The following MAF variants were observed in gnomAD, a reference collection of about 807,000 sequenced individuals.
MAF encodes MAF bZIP transcription factor.
Under a neutral mutation model 22.0 loss-of-function variants are expected in MAF, and 10 were observed. The observed-to-expected ratio is 0.45, with a 90% confidence interval of 0.28 to 0.77. The LOEUF (loss-of-function observed/expected upper bound fraction) is 0.77, where lower values mean the gene tolerates loss of function less well. MAF is among the 30% of genes least tolerant of loss of function. MAF has a pLI of 0.12. For synonymous variants in MAF, 337 were observed against 255.8 expected, an observed-to-expected ratio of 1.32 and a Z score of -3.03; for missense variants, 544 against 548.4, an observed-to-expected ratio of 0.99 and a Z score of 0.08.
chr16:79,381,604 G>T, the MAF span, among the ~76,000 whole-genome samples: 1 of 152,190 alleles, frequency 6.6e-6, no homozygotes, highest in Non-Finnish European at 1.5e-5. Context: ...CCCTGGGAGA[G>T]TCGGGCAGGT....
chr16:79,503,092 G>A, the MAF span, among the ~76,000 whole-genome samples: 2 of 152,094 alleles, frequency 1.3e-5, no homozygotes, highest in Admixed American at 1.3e-4. Context: ...AAGATATTAA[G>A]TTGCTAAGAA....
the MAF span, among the ~76,000 whole-genome samples, chr16:79,470,359 C>T: frequency 1.3e-5 from 2 of 152,074 alleles, no homozygotes; most frequent in Non-Finnish European, 2.9e-5. Flanking sequence ...GTTACTGAGC[C>T]CCCCCAGGGG....
chr16:79,466,005 T>C, the MAF span, among the ~76,000 whole-genome samples: 1 of 152,190 alleles, frequency 6.6e-6, no homozygotes, highest in Non-Finnish European at 1.5e-5. Context: ...CATTGTTGAA[T>C]AAAAGGATGA....
the MAF span, among the ~76,000 whole-genome samples, chr16:79,503,291 A>T: frequency 5.3e-5 from 8 of 152,332 alleles, no homozygotes; most frequent in African/African-American, 1.9e-4. Flanking sequence ...AAACGATGCT[A>T]AGTAGTTAAA....
chr16:79,547,281 G>T, the MAF span, among the ~76,000 whole-genome samples: 7 of 150,856 alleles, frequency 4.6e-5, no homozygotes, highest in Non-Finnish European at 7.4e-5. Flanking sequence ...ATCTACACAC[G>T]CACATACACA....
At chr16:79,474,341 G>A in the MAF span, among the ~76,000 whole-genome samples, 4 of 152,208 alleles carry the variant, frequency 2.6e-5, no homozygotes, top group Non-Finnish European at 5.9e-5. Flanking sequence ...CCCCTGCAAA[G>A]GGCAGAAATC....
the MAF span, among the ~76,000 whole-genome samples, chr16:79,568,353 G>A: frequency 1.3e-5 from 2 of 152,152 alleles, no homozygotes; most frequent in Non-Finnish European, 2.9e-5. Context: ...CCAGGTGTTG[G>A]AATCAGACAG....
the MAF span, among the ~76,000 whole-genome samples, chr16:79,499,973 G>GTTTAAGGGCAGTTTA: frequency 1.3e-5 from 2 of 152,178 alleles, no homozygotes; most frequent in Non-Finnish European, 2.9e-5. Context: ...GAAAGAGGCA[G>GTTTAAGGGCAGTTTA]AGGGAGTTTA....
chr16:79,553,191 G>A, the MAF span, among the ~76,000 whole-genome samples: 1 of 152,178 alleles, frequency 6.6e-6, no homozygotes, highest in African/African-American at 2.4e-5. Flanking sequence ...GCTCTGCCTC[G>A]GCAACAGCTC....
chr16:79,304,110 G>A, the MAF span, among the ~76,000 whole-genome samples: 2 of 151,884 alleles, frequency 1.3e-5, no homozygotes, highest in African/African-American at 2.4e-5. Context: ...TACTTGACAA[G>A]GCTTGGCAGG....
the MAF span, among the ~76,000 whole-genome samples, chr16:79,414,020 C>A: frequency 1.3e-5 from 2 of 152,202 alleles, no homozygotes; most frequent in African/African-American, 4.8e-5. Flanking sequence ...TCTGAGCTCA[C>A]AAATCCATCC....
chr16:79,468,886 G>A, the MAF span, among the ~76,000 whole-genome samples: 3 of 152,246 alleles, frequency 2.0e-5, no homozygotes, highest in South Asian at 6.2e-4. Flanking sequence ...GCGACCTCTT[G>A]TACTTAATCC....
At chr16:79,350,274 A>T in the MAF span, among the ~76,000 whole-genome samples, 1 of 152,206 alleles carries the variant, frequency 6.6e-6, no homozygotes, top group Non-Finnish European at 1.5e-5. Context: ...CTAAAAGCCC[A>T]CTATGTGCCA....
the MAF span, among the ~76,000 whole-genome samples, chr16:79,221,323 A>C: frequency 6.6e-6 from 1 of 152,190 alleles, no homozygotes; most frequent in Non-Finnish European, 1.5e-5. Flanking sequence ...GGCTGAGCAG[A>C]TCCTCCCTGG....
the MAF span, among the ~76,000 whole-genome samples, chr16:79,404,491 A>T: frequency 6.6e-6 from 1 of 152,130 alleles, no homozygotes; most frequent in African/African-American, 2.4e-5. Context: ...TTTCCCCTTG[A>T]AGAGCTAGAG....
At chr16:79,425,636 C>T in the MAF span, among the ~76,000 whole-genome samples, 28,654 of 151,602 alleles carry the variant, frequency 0.19, 3,544 homozygotes, top group African/African-American at 0.35. Context: ...AAATCACCAT[C>T]AATTCATATA....
the MAF span, among the ~76,000 whole-genome samples, chr16:79,346,197 G>A: frequency 1.6e-5 from 2 of 122,432 alleles, no homozygotes; most frequent in Non-Finnish European, 3.3e-5. Flanking sequence ...CCCCACTACA[G>A]TCCCCGGTGT....
chr16:79,230,008 AAAG>A, the MAF span, among the ~76,000 whole-genome samples: 16 of 151,994 alleles, frequency 1.1e-4, 2 homozygotes, highest in Non-Finnish European at 2.1e-4. Context: ...ACAGAAAAAA[AAAG>A]AATAAAAGCA....
the MAF span, among the ~76,000 whole-genome samples, chr16:79,382,882 G>T: frequency 1.3e-5 from 2 of 152,196 alleles, no homozygotes; most frequent in East Asian, 3.9e-4. Context: ...GACAGAATGG[G>T]AACACTTTGC....
Sources: allele counts gnomAD v4.1 joint callset (sites outside exome capture counted in the v4.1 genomes callset), GRCh38; gene constraint gnomAD v4.1.1; transcripts MANE v1.5; gene names NCBI Gene and HGNC (gene_info 2026-07-23, HGNC 2026-07-21).